The following CRLF2 variants were observed in gnomAD, a reference collection of about 807,000 sequenced individuals.
CRLF2 encodes the protein cytokine receptor-like factor 2.
Under a neutral mutation model 38.7 loss-of-function variants are expected in CRLF2, and 41 were observed. The observed-to-expected ratio is 1.06, with a 90% CI of 0.83 to 1.37. The LOEUF (loss-of-function observed/expected upper bound fraction) is 1.37. Among genes scored for constraint, CRLF2 ranks in the 40% most tolerant of loss-of-function variants. The pLI, the probability that CRLF2 is intolerant of heterozygous loss-of-function variation, is 0.00. For synonymous variants in CRLF2, 140 were observed against 128.8 expected (o/e 1.09, Z -0.59); for missense variants, 377 against 322.2 (o/e 1.17, Z -1.30).
intron 2 of CRLF2, among the ~76,000 whole-genome samples, chrX:1,207,030 C>A (rs2086702836): frequency 6.7e-6 from 1 of 149,150 alleles, no homozygotes; most frequent in South Asian, 2.2e-4. Flanking sequence ...ATTGCAATCT[C>A]TGCCTCCCGG....
rs1204646734 is a variant in CRLF2, at chrX:1,191,211, C to T, written c.853-51G>A. The T allele has an allele frequency of 2.8e-5, 11 of 398,692 alleles. No individual in the cohort carries two copies. The South Asian group carries it at 8.9e-4, about 32-fold the overall frequency. The allele number at this position is 398,692 out of a possible 1,614,324, so 24.7% of individuals were successfully genotyped here. On this transcript the variant is annotated intron_variant, in intron 7 of 7. Coordinates refer to ENST00000400841, the MANE Select transcript of CRLF2 (RefSeq NM_022148.4). Reference sequence around the variant, plus strand: ...AACACAGTGGACACACCACACACAGCGTCCTGAGCATCCGTACAGACGGTA... The same window carrying T: ...AACACAGTGGACACACCACACACAGTGTCCTGAGCATCCGTACAGACGGTA...
intron 1 of CRLF2, among the ~76,000 whole-genome samples, chrX:1,209,128 T>A (rs1188252652): frequency 6.6e-6 from 1 of 151,050 alleles, no homozygotes; most frequent in Admixed American, 6.6e-5. Flanking sequence ...TCACCACACC[T>A]GGCTAATTTT....
chrX:1,206,259 C>A (rs190530122), intron 3 of CRLF2, among the ~76,000 whole-genome samples, 174 bp downstream of exon 3: 222 of 151,810 alleles, frequency 1.5e-3, no homozygotes, highest in Admixed American at 2.4e-3. Flanking sequence ...CTTGGTTTTT[C>A]GTTACTTACA....
chrX:1,192,049 C>CA (rs1319837729), intron 7 of CRLF2, among the ~76,000 whole-genome samples: 10 of 146,792 alleles, frequency 6.8e-5, no homozygotes, highest in Admixed American at 2.8e-4. Flanking sequence ...ACGAAAAATA[C>CA]AAAAAATCAG....
intron 3 of CRLF2, among the ~76,000 whole-genome samples, chrX:1,204,512 G>C (rs1278009425): frequency 1.3e-5 from 2 of 152,106 alleles, no homozygotes; most frequent in African/African-American, 4.8e-5. Flanking sequence ...ACAGGGGAGA[G>C]CCACCGCCCT....
intron 1 of CRLF2, among the ~76,000 whole-genome samples, chrX:1,212,302 T>C (rs2086817129): frequency 2.0e-5 from 3 of 150,504 alleles, no homozygotes; most frequent in African/African-American, 7.3e-5. Flanking sequence ...CGAAAGCTCA[T>C]ATAAGCAGTG....
chrX:1,191,652 C>G (rs2086382833), intron 7 of CRLF2, among the ~76,000 whole-genome samples: 1 of 151,626 alleles, frequency 6.6e-6, no homozygotes, highest in African/African-American at 2.4e-5. Flanking sequence ...CTGCCTCAGC[C>G]TCCTGAGTAG....
chrX:1,212,260 C>G (rs2086816322), intron 1 of CRLF2, among the ~76,000 whole-genome samples: 2 of 151,688 alleles, frequency 1.3e-5, no homozygotes, highest in African/African-American at 4.8e-5. Context: ...TAGACACACA[C>G]ACGCACACAT....
chrX:1,212,450 A>G (rs1316236061), intron 1 of CRLF2, 106 bp downstream of exon 1: 3 of 708,682 alleles, frequency 4.2e-6, no homozygotes, highest in South Asian at 4.1e-5. Context: ...AAAAGAAGAA[A>G]GAAACCTCCA....
At chrX:1,195,989 T>C (rs1236039260) in intron 6 of CRLF2, among the ~76,000 whole-genome samples, 18 of 138,878 alleles carry the variant, frequency 1.3e-4, no homozygotes, top group Non-Finnish European at 2.8e-4. Context: ...TATATTTTTA[T>C]ATATTTATAT....
chrX:1,198,186 AG>A (rs1569468898), intron 5 of CRLF2, among the ~76,000 whole-genome samples: 1 of 78,612 alleles, frequency 1.3e-5, no homozygotes, highest in Non-Finnish European at 2.5e-5. Context: ...CCCACCTCCC[AG>A]GAAGGCAGGA....
At position 1,200,725 on chromosome X, in the gene CRLF2, G is replaced by C. The variant is rs1217143666; in HGVS notation, c.483+1677C>G. On this transcript the variant is annotated intron_variant, in intron 4 of 7. Transcript: ENST00000400841. Reference sequence around the variant, plus strand: ...GTGTATATAAGATGTGTATATACGTGTGTATAAATATGCATAGATAAGGTA... The same window carrying C: ...GTGTATATAAGATGTGTATATACGTCTGTATAAATATGCATAGATAAGGTA... Among the ~76,000 whole-genome samples the C allele has an allele frequency of 9.8e-5, 4 of 40,956 alleles. No individual in the cohort carries two copies. The East Asian group carries it at 6.3e-3, about 64-fold the overall frequency. The allele number at this position is 40,956 out of a possible 152,430, so 26.9% of individuals were successfully genotyped here.
chrX:1,195,875 T>C, intron 6 of CRLF2, among the ~76,000 whole-genome samples: 1 of 140,642 alleles, frequency 7.1e-6, no homozygotes. Context: ...AAATTAAATA[T>C]ATATTTTATA....
chrX:1,197,564 C>G (rs1355906169), intron 5 of CRLF2, among the ~76,000 whole-genome samples: 2 of 151,994 alleles, frequency 1.3e-5, no homozygotes, highest in African/African-American at 2.4e-5. Context: ...GCCTTTAATC[C>G]CAGCACTTTG....
At chrX:1,206,648 C>A in intron 2 of CRLF2, 49 bp from the exon 3 acceptor site, 1 of 1,585,082 alleles carries the variant, frequency 6.3e-7, no homozygotes, top group Non-Finnish European at 8.7e-7. Context: ...AAAAGCATGT[C>A]TTATTTATTT....
chrX:1,195,943 A>T (rs1317297594), intron 6 of CRLF2, among the ~76,000 whole-genome samples: 5 of 141,624 alleles, frequency 3.5e-5, no homozygotes, highest in East Asian at 2.0e-4. Flanking sequence ...AAATATATTT[A>T]TATATATTTT....
At chrX:1,196,525 A>T (rs1227909206) in intron 6 of CRLF2, among the ~76,000 whole-genome samples, 2 of 149,752 alleles carry the variant, frequency 1.3e-5, no homozygotes, top group African/African-American at 4.9e-5. Flanking sequence ...ATTTCACCAT[A>T]TTGGCCAGGC....
chrX:1,197,093 CTTTTTT>C (rs371615837), intron 5 of CRLF2, among the ~76,000 whole-genome samples, 193 bp from the exon 6 acceptor site: 1 of 118,632 alleles, frequency 8.4e-6, no homozygotes. Context: ...AAATCTTTTA[CTTTTTT>C]TTTTTTTTTT....
In CRLF2 at chrX:1,191,008, C is replaced by G; in HGVS notation, c.1005G>C (p.Glu335Asp). The G allele has an allele frequency of 2.5e-6, 1 of 398,686 alleles. No homozygotes were observed. Among genetic ancestry groups the G allele is most frequent in the Non-Finnish European group, 4.4e-6 (1 of 226,124 alleles). 24.7% of individuals were successfully genotyped at this position (398,686 alleles called of 1,614,324 possible). Residue 335 changes from glutamate (E) to aspartate (D), a missense_variant, in exon 8 of 8, where the codon GAG (glutamate) becomes GAC (aspartate). Transcript: ENST00000400841. The stretch of plus-strand genomic sequence containing the variant: ...GAAGCTGGAGGGATCCCCCAGAGGC[C>G]TCTTTCTCCTCGGTCTGTGGGTCCA... Reference protein sequence around the residue: ...RMLDPQTEEKEASGGSLQLPH... With the variant: ...RMLDPQTEEKDASGGSLQLPH...
Sources: gnomAD v4.1 joint callset for allele counts (sites outside exome capture counted in the v4.1 genomes callset) on GRCh38, gnomAD v4.1.1 for gene constraint, MANE v1.5 for transcripts, NCBI Gene and HGNC (gene_info 2026-07-23, HGNC 2026-07-21) for gene names.